Variants in GRID2 observed in about 807,000 individuals in gnomAD.
GRID2 encodes glutamate ionotropic receptor delta type subunit 2.
In GRID2, 33 loss-of-function variants were observed where a neutral mutation model predicts 114.8. That is an observed-to-expected ratio of 0.29 (90% CI 0.22 to 0.38). The LOEUF (loss-of-function observed/expected upper bound fraction) is 0.38. Among genes scored for constraint, GRID2 ranks in the 10% least tolerant of loss-of-function variants. GRID2 has a pLI of 1.00. For synonymous variants in GRID2, 505 were observed against 449.9 expected, an observed-to-expected ratio of 1.12 and a Z score of -1.55; for missense variants, 1,184 against 1,257.7, an observed-to-expected ratio of 0.94 and a Z score of 0.89.
At chr4:92,709,964 A>T (rs555700851) in intron 2 of GRID2, among the ~76,000 whole-genome samples, 1 of 152,230 alleles carries the variant, frequency 6.6e-6, no homozygotes, top group African/African-American at 2.4e-5. Context: ...TCTTTTTCCA[A>T]CTGCAGTTTG....
chr4:92,561,777 T>G (rs1430997011), intron 1 of GRID2, among the ~76,000 whole-genome samples: 1 of 152,150 alleles, frequency 6.6e-6, no homozygotes, highest in East Asian at 1.9e-4. Flanking sequence ...CAACCATATA[T>G]TTGAGAGTTG....
intron 13 of GRID2, among the ~76,000 whole-genome samples, chr4:93,520,962 A>G (rs1404444770): frequency 2.0e-5 from 3 of 152,132 alleles, no homozygotes; most frequent in African/African-American, 7.2e-5. Flanking sequence ...TGAGGAGGCC[A>G]CTGTAATAAT....
chr4:93,589,872 T>C (rs1159089381), intron 13 of GRID2, among the ~76,000 whole-genome samples: 4 of 151,714 alleles, frequency 2.6e-5, no homozygotes, highest in Admixed American at 1.3e-4. Context: ...TGTCTGTTCA[T>C]GTCCTTTGCC....
At chr4:93,493,476 T>A (rs183397536) in intron 12 of GRID2, among the ~76,000 whole-genome samples, 92 of 151,946 alleles carry the variant, frequency 6.1e-4, no homozygotes, top group Non-Finnish European at 1.0e-3. Context: ...TCAATAAGTG[T>A]CAGAGTTGAG....
chr4:92,750,753 T>C (rs1737412509), intron 2 of GRID2, among the ~76,000 whole-genome samples: 1 of 152,200 alleles, frequency 6.6e-6, no homozygotes, highest in Non-Finnish European at 1.5e-5. Context: ...TGATTTTGAG[T>C]CTCAGTACTT....
intron 14 of GRID2, among the ~76,000 whole-genome samples, chr4:93,662,704 G>C (rs1723603255): frequency 6.6e-6 from 1 of 152,132 alleles, no homozygotes; most frequent in Admixed American, 6.5e-5. Flanking sequence ...AGTAGCATGA[G>C]AGTTTATATT....
chr4:92,732,343 A>G (rs1437676944), intron 2 of GRID2, among the ~76,000 whole-genome samples: 1 of 152,060 alleles, frequency 6.6e-6, no homozygotes, highest in Non-Finnish European at 1.5e-5. Flanking sequence ...TCTAAAATAT[A>G]TGTATTCATT....
chr4:93,180,606 T>C (rs1739802022), intron 4 of GRID2, among the ~76,000 whole-genome samples: 1 of 152,192 alleles, frequency 6.6e-6, no homozygotes, highest in Admixed American at 6.5e-5. Flanking sequence ...TCTGTCAAAA[T>C]TGGAGTCTAT....
intron 4 of GRID2, among the ~76,000 whole-genome samples, chr4:93,200,342 G>A (rs1048803584): frequency 2.0e-5 from 3 of 152,086 alleles, no homozygotes; most frequent in African/African-American, 4.8e-5. Flanking sequence ...CGAGGCGGGC[G>A]GATCACGAGG....
intron 2 of GRID2, among the ~76,000 whole-genome samples, chr4:92,959,452 T>A (rs1260576906): frequency 9.9e-5 from 15 of 151,946 alleles, no homozygotes; most frequent in Admixed American, 9.9e-4. Context: ...ACCTGTATGC[T>A]ATTTAAAAGT....
chr4:92,670,485 G>A (rs1579809149), intron 2 of GRID2, among the ~76,000 whole-genome samples: 1 of 151,578 alleles, frequency 6.6e-6, no homozygotes, highest in Non-Finnish European at 1.5e-5. Context: ...TTACTATTTT[G>A]AGTTCATTTT....
chr4:92,598,273 A>G (rs778539061), intron 2 of GRID2, among the ~76,000 whole-genome samples: 15 of 151,870 alleles, frequency 9.9e-5, no homozygotes, highest in Non-Finnish European at 1.8e-4. Context: ...TGTGCCAACT[A>G]CTCTGCACAC....
At chr4:93,695,449 G>A (rs1425899052) in intron 14 of GRID2, among the ~76,000 whole-genome samples, 1 of 152,158 alleles carries the variant, frequency 6.6e-6, no homozygotes, top group Non-Finnish European at 1.5e-5. Flanking sequence ...CGTTTCTTCT[G>A]TACACATAAA....
At chr4:92,905,599 G>A (rs993943741) in intron 2 of GRID2, among the ~76,000 whole-genome samples, 29 of 151,418 alleles carry the variant, frequency 1.9e-4, no homozygotes, top group African/African-American at 7.1e-4. Context: ...GATGGCTACT[G>A]AGCACTTCAA....
chr4:93,567,585 T>C (rs1276385095), intron 13 of GRID2, among the ~76,000 whole-genome samples: 1 of 152,222 alleles, frequency 6.6e-6, no homozygotes, highest in Non-Finnish European at 1.5e-5. Flanking sequence ...AAGAAAAGGC[T>C]AAAATAAGAC....
At chr4:92,871,569 A>C (rs1745281898) in intron 2 of GRID2, among the ~76,000 whole-genome samples, 1 of 152,180 alleles carries the variant, frequency 6.6e-6, no homozygotes. Context: ...TTTGGCTATG[A>C]CATCAGGGCA....
intron 13 of GRID2, among the ~76,000 whole-genome samples, chr4:93,612,567 A>T (rs1253906653): frequency 4.4e-5 from 4 of 90,630 alleles, no homozygotes; most frequent in African/African-American, 1.8e-4. Context: ...TCCTTCACTT[A>T]TGAAGCTTAG....
chr4:92,358,212 T>C (rs1223078448), intron 1 of GRID2, among the ~76,000 whole-genome samples: 2 of 152,004 alleles, frequency 1.3e-5, no homozygotes, highest in Non-Finnish European at 2.9e-5. Flanking sequence ...AAGGCAAGAA[T>C]GTGCAAAGCA....
intron 8 of GRID2, among the ~76,000 whole-genome samples, chr4:93,332,421 C>A (rs1560508995): frequency 6.6e-6 from 1 of 151,672 alleles, no homozygotes; most frequent in Non-Finnish European, 1.5e-5. Context: ...CTTTCTGTAT[C>A]CACGCAGCCA....
Sources: allele counts gnomAD v4.1 joint callset (sites outside exome capture counted in the v4.1 genomes callset), GRCh38; gene constraint gnomAD v4.1.1; transcripts MANE v1.5; gene names NCBI Gene and HGNC (gene_info 2026-07-23, HGNC 2026-07-21).